The following PRRC2C variants were observed in gnomAD, a reference collection of about 807,000 sequenced individuals.
PRRC2C encodes protein PRRC2C.
A neutral mutation model predicts 317.2 loss-of-function variants in PRRC2C; 72 were observed. The ratio of observed to expected loss-of-function variants is 0.23; its 90% confidence interval spans 0.19 to 0.28. The LOEUF (loss-of-function observed/expected upper bound fraction) is 0.28. Among genes scored for constraint, PRRC2C ranks in the 10% least tolerant of loss-of-function variants. The pLI, the probability that PRRC2C is intolerant of heterozygous loss-of-function variation, is 1.00. For missense variants in PRRC2C, 3,074 were observed against 3,459.7 expected (o/e 0.89, Z 2.80); for synonymous variants, 1,296 against 1,205.9 (o/e 1.07, Z -1.55).
At chr1:171,563,563 C>T (rs1683087707) in intron 20 of PRRC2C, among the ~76,000 whole-genome samples, 1 of 152,020 alleles carries the variant, frequency 6.6e-6, no homozygotes, top group Non-Finnish European at 1.5e-5. Context: ...AAAAATGGGG[C>T]AGTAAAGAAG....
chr1:171,493,122 C>G (rs951328709), intron 1 of PRRC2C, among the ~76,000 whole-genome samples: 1 of 121,252 alleles, frequency 8.2e-6, no homozygotes, highest in Non-Finnish European at 1.8e-5. Flanking sequence ...TGTCTTAAGA[C>G]TGGATATTTC....
intron 25 of PRRC2C, among the ~76,000 whole-genome samples, chr1:171,576,621 G>A (rs946708679): frequency 1.3e-5 from 2 of 151,992 alleles, no homozygotes; most frequent in Non-Finnish European, 2.9e-5. Flanking sequence ...TGTTTTAAAG[G>A]TATTACTATA....
At chr1:171,509,009 C>G (rs1278178817) in intron 1 of PRRC2C, among the ~76,000 whole-genome samples, 1 of 152,132 alleles carries the variant, frequency 6.6e-6, no homozygotes, top group Non-Finnish European at 1.5e-5. Flanking sequence ...GCCTCAGCCT[C>G]CCGAGTAGCT....
rs1557957742 is a variant in PRRC2C at position 171,541,339 on chromosome 1, A to G, written c.3873A>G (p.Arg1291=). The G allele has an allele frequency of 6.2e-7, 1 of 1,612,644 alleles. No individual in the cohort carries two copies. Among genetic ancestry groups the G allele is most frequent in the East Asian group, 2.2e-5 (1 of 44,870 alleles). Reference sequence around the variant, plus strand: ...TAAGTAAAGGCAAACTTCCCAAAAGAGAGGAACGGCCTGAAAACAAAAAAC... The same window carrying G: ...TAAGTAAAGGCAAACTTCCCAAAAGGGAGGAACGGCCTGAAAACAAAAAAC... ...DSLSKGKLPK[R]EERPENKKPV... is the part of the protein sequence containing the mutation. The change falls in exon 16 of 35, where the codon AGA becomes AGG. Residue 1291 remains arginine (R), a synonymous_variant. Transcript: ENST00000647382. The surrounding 1 kb of genome is among the most constrained non-coding windows in gnomAD (Gnocchi z 4.1).
chr1:171,572,226 C>T (rs970714588), intron 24 of PRRC2C, among the ~76,000 whole-genome samples: 11 of 152,082 alleles, frequency 7.2e-5, no homozygotes, highest in African/African-American at 2.7e-4. Context: ...TGGGCTCCAG[C>T]GATCCACCTG....
At chr1:171,549,270 G>C (rs235469) in intron 17 of PRRC2C, among the ~76,000 whole-genome samples, 123,586 of 152,194 alleles carry the variant, frequency 0.81, 50,277 homozygotes, top group Middle Eastern at 0.9. Flanking sequence ...CTGTTGGCCT[G>C]AAATGGTCCT....
At chr1:171,534,439 G>A (rs905139674) in intron 12 of PRRC2C, among the ~76,000 whole-genome samples, 2 of 149,176 alleles carry the variant, frequency 1.3e-5, no homozygotes, top group African/African-American at 5.0e-5. Flanking sequence ...ATTTTAGCTT[G>A]TTTATCAGTG....
chr1:171,532,359 G>A lies in PRRC2C; in HGVS notation c.1271G>A (p.Arg424Gln), dbSNP rs773244753. ...ATGTTTCAGCATCCACCTCCAGATC[G>A]ACAGGCAGTACCTGGAAGACCAGGC... is the stretch of plus-strand genomic sequence containing the variant. ...LLAQQHPPPD[R>Q]QAVPGRPGPF... Residue 424 changes from arginine to glutamine, a missense_variant, in exon 12 of 35, where the codon CGA becomes CAA. By Grantham distance (43) the Arg-to-Gln change is conservative. This residue lies in a region of PRRC2C where 1,320 missense variants were observed against 1,395.7 expected (regional missense o/e 0.95). Coordinates refer to ENST00000647382, the MANE Select transcript of PRRC2C (RefSeq NM_001387844.1). 9 of 1,611,596 alleles carry A rather than the reference G, an allele frequency of 5.6e-6. No individual in the cohort carries two copies. The highest frequency in any genetic ancestry group is 4.4e-5 in the South Asian group (4 of 90,846).
chr1:171,552,779 A>G (rs1413999385), intron 18 of PRRC2C, among the ~76,000 whole-genome samples: 1 of 152,094 alleles, frequency 6.6e-6, no homozygotes, highest in Non-Finnish European at 1.5e-5. Flanking sequence ...TGATTTGCAT[A>G]TGTTGAATCA....
intron 1 of PRRC2C, among the ~76,000 whole-genome samples, chr1:171,494,118 AGTT>A (rs1177405402): frequency 6.6e-6 from 1 of 152,262 alleles, no homozygotes; most frequent in Admixed American, 6.5e-5. Flanking sequence ...AAAATACATA[AGTT>A]GTTAAAAAGA....
Position 171,592,633 on chromosome 1 carries a change from A to C in PRRC2C, c.*786A>C, listed in dbSNP as rs533625955. 7.2e-5 allele frequency: 11 copies of C among 152,242 alleles called. No homozygotes were observed. The East Asian group carries it at 1.9e-3, about 27-fold the overall frequency. The allele number at this position is 152,242 out of a possible 1,614,324, so 9.4% of individuals were successfully genotyped here. A position where few individuals can be genotyped will look rare whatever the true frequency, so the allele number is the denominator to read the frequency against. On this transcript the variant is annotated 3_prime_UTR_variant, in exon 35 of 35. Transcript: ENST00000647382. Reference sequence around the variant, plus strand: ...ATTCAAACATGACAGATTTGGTAAAATGCTGGTTAGGTTGAGTCTTCCTTG... The same window carrying C: ...ATTCAAACATGACAGATTTGGTAAACTGCTGGTTAGGTTGAGTCTTCCTTG...
In PRRC2C at chr1:171,557,901, C is replaced by T. The variant is rs553054787; in HGVS notation, c.5789C>T (p.Ala1930Val). The change falls in exon 19 of 35, where the codon GCC becomes GTC. Residue 1930 changes from alanine to valine, a missense_variant. Ala to Val is a moderately conservative substitution (Grantham distance 64). This residue lies in a region of PRRC2C where 640 missense variants were observed against 676.1 expected (regional missense o/e 0.95). Coordinates refer to ENST00000647382, the MANE Select transcript of PRRC2C (RefSeq NM_001387844.1). Reference sequence around the variant, plus strand: ...TCAGCCCCAAATCCTGCCCCACCTGCCCCAGCCCAGACTCAGGCACAGACC... The same window carrying T: ...TCAGCCCCAAATCCTGCCCCACCTGTCCCAGCCCAGACTCAGGCACAGACC... Reference protein sequence around the residue: ...PVSAPNPAPPAPAQTQAQTHK... With the variant: ...PVSAPNPAPPVPAQTQAQTHK... The T allele has an allele frequency of 4.7e-5, 73 of 1,554,768 alleles. No homozygotes were observed. The East Asian group carries it at 1.3e-3, about 29-fold the overall frequency.
intron 1 of PRRC2C, among the ~76,000 whole-genome samples, chr1:171,489,124 A>G (rs749549973): frequency 1.6e-4 from 24 of 152,166 alleles, no homozygotes; most frequent in African/African-American, 5.3e-4. Flanking sequence ...ATGTTATTGA[A>G]TGAATGAGGG....
In PRRC2C at chr1:171,532,404, A is replaced by T; in HGVS notation, c.1316A>T (p.Gln439Leu). 1 of 1,613,976 alleles carries T rather than the reference A, an allele frequency of 6.2e-7. No homozygotes were observed. Among genetic ancestry groups the T allele is most frequent in the Non-Finnish European group, 8.5e-7 (1 of 1,179,882 alleles). Residue 439 changes from glutamine (Q) to leucine (L), a missense_variant, in exon 12 of 35, where the codon CAA (glutamine) becomes CTA (leucine). This residue lies in a region of PRRC2C where 1,320 missense variants were observed against 1,395.7 expected (regional missense o/e 0.95). Transcript: ENST00000647382. ...CCAGGCCCCTTTCCCTCCAAGCAGC[A>T]AGTAGCTGATGAAGATGAAATATGG... is the stretch of plus-strand genomic sequence containing the variant. The part of the protein sequence containing the change: ...GRPGPFPSKQ[Q>L]VADEDEIWKQ...
In PRRC2C at chr1:171,545,464, G is replaced by T; in HGVS notation, c.4764-15G>T. On this transcript the variant is annotated splice_polypyrimidine_tract_variant and intron_variant, in intron 16 of 34. Transcript: ENST00000647382. ...GTAGGTGGAAATAGTAATATCTCAAGTTATTTTTTTGTAGGCCATTTGATG... is the reference window on the plus strand; with the variant it reads ...GTAGGTGGAAATAGTAATATCTCAATTTATTTTTTTGTAGGCCATTTGATG... 6.5e-7 allele frequency: 1 copy of T among 1,548,272 alleles called. No individual in the cohort carries two copies. The highest frequency in any genetic ancestry group is 2.4e-5 in the East Asian group (1 of 40,956).
At chr1:171,578,183 A>G (rs1028889068) in intron 26 of PRRC2C, among the ~76,000 whole-genome samples, 7 of 152,244 alleles carry the variant, frequency 4.6e-5, no homozygotes, top group Admixed American at 3.9e-4. Context: ...TAGGAATCTC[A>G]TATGGATACA....
At chr1:171,577,950 C>CT (rs59582313) in intron 26 of PRRC2C, among the ~76,000 whole-genome samples, 10,070 of 103,636 alleles carry the variant, frequency 0.097, 565 homozygotes, top group Admixed American at 0.16. Flanking sequence ...GCTAATTTTT[C>CT]TTTTTTTTTT....
At chr1:171,568,883 A>G (rs1684185020) in intron 23 of PRRC2C, among the ~76,000 whole-genome samples, 1 of 152,162 alleles carries the variant, frequency 6.6e-6, no homozygotes, top group Non-Finnish European at 1.5e-5. Flanking sequence ...ACACTCTGAT[A>G]TGCTCTAATA....
chr1:171,514,150 T>G (rs1671880241), intron 3 of PRRC2C, among the ~76,000 whole-genome samples: 1 of 152,218 alleles, frequency 6.6e-6, no homozygotes, highest in Non-Finnish European at 1.5e-5. Flanking sequence ...AGCCCTCAAC[T>G]AATTTCACCA....
Sources: gnomAD v4.1 joint callset for allele counts (sites outside exome capture counted in the v4.1 genomes callset) on GRCh38, gnomAD v4.1.1 for gene constraint, gnomAD v4.1.1 regional missense constraint, Gnocchi (gnomAD v3.1) non-coding constraint, MANE v1.5 for transcripts, NCBI Gene and HGNC (gene_info 2026-07-23, HGNC 2026-07-21) for gene names.